PRAMEF19: variants seen among roughly 807,000 people sequenced by gnomAD.
PRAMEF19 encodes PRAME family member-like.
In PRAMEF19, 21 loss-of-function variants were observed where a neutral mutation model predicts 33.1. The observed-to-expected ratio is 0.63, with a 90% confidence interval of 0.45 to 0.91. PRAMEF19 has a LOEUF of 0.91. Ranked by LOEUF, PRAMEF19 falls within the 40% of genes least tolerant of loss-of-function variation. PRAMEF19 has a pLI of 0.00. For synonymous variants in PRAMEF19, 179 were observed against 229.3 expected (o/e 0.78, Z 1.98); for missense variants, 481 against 585.2 (o/e 0.82, Z 1.84).
upstream of PRAMEF19, chr1:13,371,937 A>G (rs2100386151): frequency 2.5e-6 from 4 of 1,611,892 alleles, no homozygotes; most frequent in South Asian, 4.4e-5. Flanking sequence ...GAGAAAAGAC[A>G]AACTTATCAG....
At chr1:13,371,563 C>T (rs1308421060) in intron 1 of PRAMEF19, 51 bp downstream of exon 1, 1 of 1,610,532 alleles carries the variant, frequency 6.2e-7, no homozygotes, top group Non-Finnish European at 8.5e-7. Context: ...TTGTCTGACC[C>T]AGCTGCTTAG....
At chr1:13,368,673 TCTGA>T (rs1450462207), downstream of PRAMEF19, among the ~76,000 whole-genome samples, 2 of 152,220 alleles carry the variant, frequency 1.3e-5, no homozygotes, top group Non-Finnish European at 2.9e-5. Flanking sequence ...AGGTTCTATT[TCTGA>T]CTGTCTAGGA....
intron 2 of PRAMEF19, 37 bp downstream of exon 2, chr1:13,370,612 C>T (rs1640658000): frequency 6.2e-7 from 1 of 1,612,774 alleles, no homozygotes; most frequent in Admixed American, 1.7e-5. Flanking sequence ...AAAGGCTGTG[C>T]TGTGTCCCCC....
Position 13,369,626 on chromosome 1 carries a change from G to A in PRAMEF19, c.881C>T (p.Pro294Leu), listed in dbSNP as rs1369647673. 18 of 1,613,794 alleles carry A rather than the reference G, an allele frequency of 1.1e-5. No homozygotes were observed. The highest frequency in any genetic ancestry group is 5.3e-5 in the African/African-American group (4 of 74,880). Reference sequence around the variant, plus strand: ...ATAAGTTAATGCCAATGTCTCCAACGGGCTCTTGAGGCACCTGGGGAGAGC... The same window carrying A: ...ATAAGTTAATGCCAATGTCTCCAACAGGCTCTTGAGGCACCTGGGGAGAGC... The change falls in exon 3 of 3, where the codon CCG becomes CTG. Residue 294 changes from proline (P) to leucine (L), a missense_variant. Physicochemically the swap from Pro to Leu is moderately conservative, Grantham distance 98. Around this residue, in one of 3 missense-constraint regions of PRAMEF19, gnomAD observed 392 missense variants for 397.5 expected, o/e 0.99. Transcript: ENST00000376101.
At chr1:13,368,742 CT>C, downstream of PRAMEF19, among the ~76,000 whole-genome samples, 1 of 152,260 alleles carries the variant, frequency 6.6e-6, no homozygotes, top group East Asian at 1.9e-4. Context: ...GTGCTGCCCC[CT>C]GCTGGGTTTT....
chr1:13,369,302 C>T (rs1213013481), exon 3 of PRAMEF19: 1 of 1,611,952 alleles, frequency 6.2e-7, no homozygotes, highest in African/African-American at 1.3e-5. Context: ...GCTCAGCCTG[C>T]CTGTGTGGCG....
chr1:13,371,818 A>G, exon 1 of PRAMEF19: 2 of 1,611,986 alleles, frequency 1.2e-6, no homozygotes, highest in Non-Finnish European at 1.7e-6. Context: ...CAGCTCATCC[A>G]GGACGGAGAT....
chr1:13,369,472 C>T, exon 3 of PRAMEF19: 3 of 1,613,984 alleles, frequency 1.9e-6, no homozygotes, highest in Non-Finnish European at 2.5e-6. Flanking sequence ...CAGCAACTTT[C>T]TCTAGCAGAG....
intron 2 of PRAMEF19, among the ~76,000 whole-genome samples, chr1:13,370,141 C>T (rs1640652819): frequency 1.3e-5 from 2 of 152,248 alleles, no homozygotes; most frequent in African/African-American, 4.8e-5. Flanking sequence ...CAACCTTTTA[C>T]AGACAGGGAA....
chr1:13,371,930 A>G (rs1179756778), upstream of PRAMEF19: 1 of 1,611,804 alleles, frequency 6.2e-7, no homozygotes. Flanking sequence ...AAATCCAGAG[A>G]AAAGACAAAC....
exon 2 of PRAMEF19, chr1:13,370,762 G>C: frequency 6.2e-7 from 1 of 1,613,882 alleles, no homozygotes; most frequent in Non-Finnish European, 8.5e-7. Context: ...ACTGTCCTTG[G>C]CTCTCAAAGC....
At chr1:13,370,706 T>G (rs1640660847) in exon 2 of PRAMEF19, 1 of 1,613,826 alleles carries the variant, frequency 6.2e-7, no homozygotes. Context: ...ATAAAGCATC[T>G]GGAGGTACTC....
At chr1:13,369,302 C>G in exon 3 of PRAMEF19, 1 of 1,612,072 alleles carries the variant, frequency 6.2e-7, no homozygotes, top group South Asian at 1.1e-5. Flanking sequence ...GCTCAGCCTG[C>G]CTGTGTGGCG....
chr1:13,371,784 C>T, exon 1 of PRAMEF19: 1 of 1,611,658 alleles, frequency 6.2e-7, no homozygotes, highest in Non-Finnish European at 8.5e-7. Context: ...CCTCCACGAA[C>T]AGTCGGGGGA....
exon 2 of PRAMEF19, chr1:13,370,899 T>C (rs1342023273): frequency 1.3e-5 from 21 of 1,613,894 alleles, no homozygotes; most frequent in Non-Finnish European, 1.7e-5. Context: ...ACTTGGATAC[T>C]GTCTGGGTAT....
exon 3 of PRAMEF19, chr1:13,369,159 T>A (rs1640636117): frequency 6.2e-7 from 1 of 1,611,694 alleles, no homozygotes; most frequent in African/African-American, 1.3e-5. Flanking sequence ...CCAAAGAAGA[T>A]CCTGTTGGGC....
chr1:13,369,616 T>C (rs1434598864), exon 3 of PRAMEF19: 81 of 1,613,836 alleles, frequency 5.0e-5, no homozygotes, highest in Non-Finnish European at 5.5e-5. Context: ...TTAATGCCAA[T>C]GTCTCCAACG....
chr1:13,370,761 G>C, exon 2 of PRAMEF19: 3 of 1,613,924 alleles, frequency 1.9e-6, no homozygotes, highest in South Asian at 1.1e-5. Context: ...AACTGTCCTT[G>C]GCTCTCAAAG....
intron 2 of PRAMEF19, 121 bp from the exon 3 acceptor site, chr1:13,369,761 T>G: frequency 7.3e-6 from 10 of 1,366,584 alleles, no homozygotes; most frequent in Non-Finnish European, 9.2e-6. Flanking sequence ...CATCTAATCA[T>G]GGTCCTCCCG....
Sources: gnomAD v4.1 joint callset for allele counts (sites outside exome capture counted in the v4.1 genomes callset) on GRCh38, gnomAD v4.1.1 for gene constraint, gnomAD v4.1.1 regional missense constraint, MANE v1.5 for transcripts, NCBI Gene and HGNC (gene_info 2026-07-23, HGNC 2026-07-21) for gene names.